Variants in DUS3L observed in about 807,000 individuals in gnomAD.
DUS3L encodes tRNA-dihydrouridine(47) synthase [NAD(P)(+)]-like.
Under a neutral mutation model 74.6 loss-of-function variants are expected in DUS3L, and 62 were observed. The ratio of observed to expected loss-of-function variants is 0.83; its 90% CI spans 0.68 to 1.03. The LOEUF (loss-of-function observed/expected upper bound fraction) is 1.03, where lower values mean the gene tolerates loss of function less well. Ranked by LOEUF, DUS3L falls within the 50% of genes least tolerant of loss-of-function variation. The probability of loss-of-function intolerance (pLI) is 0.00; values close to 1 mark genes in which losing one functional copy is unlikely to be tolerated. For missense variants in DUS3L, 884 were observed against 924.4 expected, an observed-to-expected ratio of 0.96 and a Z score of 0.57; for synonymous variants, 433 against 395.7, an observed-to-expected ratio of 1.09 and a Z score of -1.12.
chr19:5,790,240 T>C lies in DUS3L; in HGVS notation c.194A>G (p.Asn65Ser), dbSNP rs1052122154. The change falls in exon 2 of 13, where the codon AAT (asparagine) becomes AGT (serine). Residue 65 changes from asparagine (N) to serine (S), a missense_variant. Physicochemically the swap from Asn to Ser is conservative, Grantham distance 46. Transcript: ENST00000309061. The stretch of plus-strand genomic sequence containing the variant: ...CTTAGCCTCAGGCTCAGCCAGCTCA[T>C]TGCCAGCAGGGTCTCCTACCTCGGT... ...RETEVGDPAG[N>S]ELAEPEAKRI... 4 of 1,614,034 alleles carry C rather than the reference T, an allele frequency of 2.5e-6. No homozygotes were observed. The highest frequency in any genetic ancestry group is 8.5e-7 in the Non-Finnish European group (1 of 1,180,036).
At position 5,789,195 on chromosome 19, in the gene DUS3L, C is replaced by T. The variant is rs371888567; in HGVS notation, c.900+12G>A. The T allele has an allele frequency of 1.4e-5, 22 of 1,520,686 alleles. No homozygotes were observed. Among genetic ancestry groups the T allele is most frequent in the South Asian group, 7.8e-5 (6 of 76,518 alleles). 94.2% of individuals were successfully genotyped at this position (1,520,686 alleles called of 1,614,324 possible). A position where few individuals can be genotyped will look rare whatever the true frequency, so the allele number is the denominator to read the frequency against. On this transcript the variant is annotated intron_variant, in intron 3 of 12. Coordinates refer to ENST00000309061, the MANE Select transcript of DUS3L (RefSeq NM_020175.3). ...GGACAGATCTGCTACTGACGTTGTC[C>T]TCAACACGTACCCGCTTCTTCTCAC...
chr19:5,786,449 A>AC lies in DUS3L; in HGVS notation c.1562+17dup. 6.2e-7 allele frequency: 1 copy of AC among 1,611,366 alleles called. No homozygotes were observed. Among genetic ancestry groups the AC allele is most frequent in the Non-Finnish European group, 8.5e-7 (1 of 1,179,270 alleles). ...TGCTGTGCATGAAGCTGGATCTCTA[A>AC]CATCCCTGGGCACTTACCGGGCAAT... On this transcript the variant is annotated intron_variant, in intron 10 of 12. Transcript: ENST00000309061.
intron 3 of DUS3L, 177 bp downstream of exon 3, chr19:5,789,030 C>T: frequency 1.0e-6 from 1 of 954,976 alleles, no homozygotes; most frequent in Non-Finnish European, 1.4e-6. Context: ...TCTGTCCCCA[C>T]CTCCTGAGGG....
chr19:5,790,340 C>T lies in DUS3L; in HGVS notation c.99-5G>A, dbSNP rs369883348. Reference sequence around the variant, plus strand: ...TGCTCCTTGGTGGTGAGGTATCTGCCGACAGAAAGGGAAAGGAAAACCCTC... The same window carrying T: ...TGCTCCTTGGTGGTGAGGTATCTGCTGACAGAAAGGGAAAGGAAAACCCTC... On this transcript the variant is annotated splice_polypyrimidine_tract_variant and splice_region_variant and intron_variant, in intron 1 of 12. Transcript: ENST00000309061. 1.1e-5 allele frequency: 18 copies of T among 1,613,772 alleles called. No individual in the cohort carries two copies. The highest frequency in any genetic ancestry group is 9.3e-6 in the Non-Finnish European group (11 of 1,179,840).
Position 5,786,486 on chromosome 19 carries a change from T to C in DUS3L, c.1543A>G (p.Thr515Ala), listed in dbSNP as rs1195604251. The change falls in exon 10 of 13, where the codon ACC becomes GCC. Residue 515 changes from threonine (T) to alanine (A), a missense_variant. Transcript: ENST00000309061. ...DANRAMQTGV[T>A]GIMIARGALL... Reference sequence around the variant, plus strand: ...ACTTACCGGGCAATCATGATCCCGGTGACACCAGTCTGCATGGCGCGGTTG... The same window carrying C: ...ACTTACCGGGCAATCATGATCCCGGCGACACCAGTCTGCATGGCGCGGTTG... The C allele has an allele frequency of 1.9e-6, 3 of 1,613,022 alleles. No homozygotes were observed. The highest frequency in any genetic ancestry group is 2.5e-6 in the Non-Finnish European group (3 of 1,179,906).
chr19:5,786,289 C>G (rs1001565377), intron 10 of DUS3L, among the ~76,000 whole-genome samples, 178 bp downstream of exon 10: 4 of 152,196 alleles, frequency 2.6e-5, no homozygotes, highest in Non-Finnish European at 5.9e-5. Flanking sequence ...GATCCCACAG[C>G]AGCAGCAATT....
In DUS3L at chr19:5,787,578, A is replaced by T; in HGVS notation, c.1212+11T>A. ...GATGGGGAAACCGAGGCACACGTCC[A>T]GGGCCGCTACCTTCTTGTACACGAG... On this transcript the variant is annotated intron_variant, in intron 6 of 12. Coordinates refer to ENST00000309061, the MANE Select transcript of DUS3L (RefSeq NM_020175.3). 1 of 1,612,350 alleles carries T rather than the reference A, an allele frequency of 6.2e-7. No individual in the cohort carries two copies. The highest frequency in any genetic ancestry group is 1.1e-5 in the South Asian group (1 of 91,064).
Position 5,785,440 on chromosome 19 carries a change from C to A in DUS3L, c.1823G>T (p.Arg608Leu). ...GGCCATCAGCGTCTCCAGGTAGTCG[C>A]GGCCCAGGTAGTAGGGCGGCCGCTC... ...INERPPYYLG[R>L]DYLETLMASQ... The change falls in exon 12 of 13, where the codon CGC becomes CTC. Residue 608 changes from arginine to leucine, a missense_variant. Arg to Leu is a moderately radical substitution (Grantham distance 102). Coordinates refer to ENST00000309061, the MANE Select transcript of DUS3L (RefSeq NM_020175.3). 6.3e-7 allele frequency: 1 copy of A among 1,590,616 alleles called. No individual in the cohort carries two copies. The highest frequency in any genetic ancestry group is 8.6e-7 in the Non-Finnish European group (1 of 1,168,164).
intron 1 of DUS3L, 95 bp from the exon 2 acceptor site, chr19:5,790,430 T>C: frequency 6.8e-7 from 1 of 1,475,078 alleles, no homozygotes. Context: ...TAAATCCTTC[T>C]GCTGATGGGG....
In DUS3L at chr19:5,788,138, G is replaced by C. The variant is rs367895137; in HGVS notation, c.981C>G (p.Phe327Leu). 1.2e-6 allele frequency: 2 copies of C among 1,613,552 alleles called. No homozygotes were observed. Among genetic ancestry groups the C allele is most frequent in the Non-Finnish European group, 1.7e-6 (2 of 1,180,024 alleles). The change falls in exon 5 of 13, where the codon TTC becomes TTG. Residue 327 changes from phenylalanine to leucine, a missense_variant. Transcript: ENST00000309061. ...NLPFRRICKR[F>L]GADVTCGEMA... Reference sequence around the variant, plus strand: ...TCTCTCCACATGTCACATCCGCCCCGAAGCGCTTGCAGATCCGTCGGAAGG... The same window carrying C: ...TCTCTCCACATGTCACATCCGCCCCCAAGCGCTTGCAGATCCGTCGGAAGG...
chr19:5,789,169 TGGACAGATCTG>T, intron 3 of DUS3L, 27 bp downstream of exon 3: 2 of 1,504,798 alleles, frequency 1.3e-6, no homozygotes, highest in Non-Finnish European at 1.8e-6. Flanking sequence ...GCACACCAGA[TGGACAGATCTG>T]CTACTGACGT....
chr19:5,788,394 T>G lies in DUS3L; in HGVS notation c.905A>C (p.Asp302Ala), dbSNP rs770404189. Residue 302 changes from aspartate to alanine, a missense_variant, in exon 4 of 13, where the codon GAC (aspartate) becomes GCC (alanine). By Grantham distance (126) the Asp-to-Ala change is moderately radical. Coordinates refer to ENST00000309061, the MANE Select transcript of DUS3L (RefSeq NM_020175.3). ...GGCCAGGTAAAGTTTGCCACGGATG[T>G]CCAGCTGGAGGGAAAAAAATACACA... ...RLRPCEKKRL[D>A]IRGKLYLAPL... The G allele has an allele frequency of 2.5e-6, 4 of 1,613,236 alleles. No individual in the cohort carries two copies. Among genetic ancestry groups the G allele is most frequent in the South Asian group, 2.2e-5 (2 of 91,008 alleles).
At position 5,785,608 on chromosome 19, in the gene DUS3L, C is replaced by A; in HGVS notation, c.1746G>T (p.Leu582=). The A allele has an allele frequency of 6.2e-7, 1 of 1,605,170 alleles. No homozygotes were observed. ...RRFLLEWLSF[L]CRYVPVGLLE... ...CAGCCAGCCCCGGTGCCCACCGGCA[C>A]AGGAAGGACAGCCACTCGAGCAGAA... Residue 582 remains leucine (L), a synonymous_variant, in exon 11 of 13, where the codon CTG becomes CTT. Coordinates refer to ENST00000309061, the MANE Select transcript of DUS3L (RefSeq NM_020175.3).
intron 9 of DUS3L, 75 bp from the exon 10 acceptor site, chr19:5,786,617 A>C: frequency 6.3e-7 from 1 of 1,585,172 alleles, no homozygotes; most frequent in Non-Finnish European, 8.6e-7. Context: ...CCAGCCCTTC[A>C]GGAGTTTTGG....
Position 5,790,341 on chromosome 19 carries a change from G to T in DUS3L, c.99-6C>A. ...GCTCCTTGGTGGTGAGGTATCTGCC[G>T]ACAGAAAGGGAAAGGAAAACCCTCC... On this transcript the variant is annotated splice_polypyrimidine_tract_variant and splice_region_variant and intron_variant, in intron 1 of 12. Transcript: ENST00000309061. The T allele has an allele frequency of 6.2e-7, 1 of 1,613,724 alleles. No individual in the cohort carries two copies. The highest frequency in any genetic ancestry group is 8.5e-7 in the Non-Finnish European group (1 of 1,179,816).
intron 2 of DUS3L, 126 bp from the exon 3 acceptor site, chr19:5,789,845 G>T (rs911627671): frequency 2.2e-6 from 3 of 1,354,408 alleles, no homozygotes; most frequent in African/African-American, 1.5e-5. Context: ...GCACCTCACC[G>T]TGCCTCTGCA....
Position 5,785,528 on chromosome 19 carries a change from G to A in DUS3L, c.1752-17C>T. The stretch of plus-strand genomic sequence containing the variant: ...GGCACGTACCTGCGGCGGGTGGGCG[G>A]GCAGGACAGGCTTGAGTCAGCTCTA... On this transcript the variant is annotated splice_polypyrimidine_tract_variant and intron_variant, in intron 11 of 12. Transcript: ENST00000309061. The A allele has an allele frequency of 6.5e-7, 1 of 1,533,020 alleles. No homozygotes were observed. Among genetic ancestry groups the A allele is most frequent in the Non-Finnish European group, 8.8e-7 (1 of 1,142,192 alleles). 95.0% of individuals were successfully genotyped at this position (1,533,020 alleles called of 1,614,324 possible).
intron 4 of DUS3L, 48 bp downstream of exon 4, chr19:5,788,309 C>G (rs763727199): frequency 1.2e-6 from 2 of 1,612,758 alleles, no homozygotes; most frequent in Non-Finnish European, 1.7e-6. Context: ...GTTGGAATGA[C>G]CACACTGCCA....
Position 5,787,599 on chromosome 19 carries a change from A to G in DUS3L, c.1202T>C (p.Val401Ala). The change falls in exon 6 of 13, where the codon GTG (valine) becomes GCG (alanine). Residue 401 changes from valine to alanine, a missense_variant. Val to Ala is a moderately conservative substitution (Grantham distance 64, BLOSUM62 0). Transcript: ENST00000309061. The stretch of plus-strand genomic sequence containing the variant: ...GTCCAGGGCCGCTACCTTCTTGTAC[A>G]CGAGGTCGATGGGGCAGCCGACGTT... The part of the protein sequence containing the change: ...DINVGCPIDL[V>A]YKKGGGCALM... 1 of 1,613,330 alleles carries G rather than the reference A, an allele frequency of 6.2e-7. No homozygotes were observed.
Sources: allele counts gnomAD v4.1 joint callset (sites outside exome capture counted in the v4.1 genomes callset), GRCh38; gene constraint gnomAD v4.1.1; transcripts MANE v1.5; gene names NCBI Gene and HGNC (gene_info 2026-07-23, HGNC 2026-07-21).